Variants in RNF212 observed in about 807,000 individuals in gnomAD.
RNF212 encodes the protein ring finger protein 212.
In RNF212, 33 loss-of-function variants were observed where a neutral mutation model predicts 34.7. The ratio of observed to expected loss-of-function variants is 0.95; its 90% CI spans 0.72 to 1.27. RNF212 has a LOEUF of 1.27. Among genes scored for constraint, RNF212 ranks in the 50% most tolerant of loss-of-function variants. RNF212 has a pLI of 0.00. For synonymous variants in RNF212, 140 were observed against 136.1 expected (o/e 1.03, Z -0.20); for missense variants, 377 against 362.2 (o/e 1.04, Z -0.33).
chr4:1,113,311 T>C, intron 1 of RNF212, 45 bp downstream of exon 1: 1 of 970,792 alleles, frequency 1.0e-6, no homozygotes, highest in South Asian at 1.6e-5. Flanking sequence ...CTGACCCCCT[T>C]GCCGCTCCCC....
In RNF212 at chr4:1,081,725, T is replaced by C. The variant is rs1720383909; in HGVS notation, c.363-106A>G. Reference sequence around the variant, plus strand: ...AGGCTCTGAATCAGTGAAATGTTCTTACTGGGTTTGCAAACGGCATTTCAC... The same window carrying C: ...AGGCTCTGAATCAGTGAAATGTTCTCACTGGGTTTGCAAACGGCATTTCAC... On this transcript the variant is annotated intron_variant, in intron 5 of 9. Coordinates refer to ENST00000433731, the MANE Select transcript of RNF212 (RefSeq NM_001131034.4). 3.6e-5 allele frequency: 29 copies of C among 813,846 alleles called. No individual in the cohort carries two copies. In the South Asian group the frequency reaches 4.0e-4, roughly 11 times the overall value. The allele number at this position is 813,846 out of a possible 1,614,324, so 50.4% of individuals were successfully genotyped here.
chr4:1,108,491 G>C (rs1725163782), intron 1 of RNF212, 87 bp from the exon 2 acceptor site: 3 of 628,742 alleles, frequency 4.8e-6, no homozygotes, highest in Admixed American at 7.2e-5. Flanking sequence ...GTTTCTCCAA[G>C]AAATAGGCAG....
rs780643771 is a variant in RNF212 at position 1,079,679 on chromosome 4, C to T, written c.474G>A (p.Ser158=). 1.2e-5 allele frequency: 20 copies of T among 1,610,948 alleles called. No individual in the cohort carries two copies. The highest frequency in any genetic ancestry group is 5.0e-5 in the Admixed American group (3 of 60,004). ...PHSSAPDRLE[S]MEVDLSPSPI... Reference sequence around the variant, plus strand: ...GAGAAGGAGAGAGATCAACTTCCATCGACTCCAGTCTGTTAAACACATAGT... The same window carrying T: ...GAGAAGGAGAGAGATCAACTTCCATTGACTCCAGTCTGTTAAACACATAGT... The change falls in exon 8 of 10, where the codon TCG becomes TCA. Residue 158 remains serine (S), a synonymous_variant. Coordinates refer to ENST00000433731, the MANE Select transcript of RNF212 (RefSeq NM_001131034.4).
chr4:1,093,524 C>A lies in RNF212; in HGVS notation c.247-2686G>T. The A allele has an allele frequency of 3.9e-6, 6 of 1,520,698 alleles. No homozygotes were observed. In the South Asian group the frequency reaches 6.1e-5, roughly 16 times the overall value. The allele number at this position is 1,520,698 out of a possible 1,614,324, so 94.2% of individuals were successfully genotyped here. A position where few individuals can be genotyped will look rare whatever the true frequency, so the allele number is the denominator to read the frequency against. Reference sequence around the variant, plus strand: ...GACAAACAGTGGGGCCACGAGGTCACTGGGCAGAGCCTGTGACCTCCACGG... The same window carrying A: ...GACAAACAGTGGGGCCACGAGGTCAATGGGCAGAGCCTGTGACCTCCACGG... On this transcript the variant is annotated intron_variant, in intron 3 of 9. Transcript: ENST00000433731.
At chr4:1,068,011 G>C (rs986763476), downstream of RNF212, among the ~76,000 whole-genome samples, 9 of 152,102 alleles carry the variant, frequency 5.9e-5, no homozygotes, top group Non-Finnish European at 1.3e-4. Context: ...TAAGCACTGA[G>C]ACAGTTAAAA....
At chr4:1,065,732 G>GCAATTTTTTAAATATATAGTAGCCA (rs1553798696) in intron 3 of RNF212, among the ~76,000 whole-genome samples, 1 of 151,926 alleles carries the variant, frequency 6.6e-6, no homozygotes, top group Non-Finnish European at 1.5e-5. Context: ...GACTACAGGT[G>GCAATTTTTTAAATATATAGTAGCCA]TGTGCCACCA....
intron 8 of RNF212, among the ~76,000 whole-genome samples, chr4:1,076,235 C>A (rs1281476495): frequency 6.6e-6 from 1 of 152,174 alleles, no homozygotes; most frequent in Non-Finnish European, 1.5e-5. Flanking sequence ...TTCTCCTCCT[C>A]CCCAGTGCCA....
Position 1,081,635 on chromosome 4 carries a change from A to C in RNF212, c.363-16T>G. The C allele has an allele frequency of 6.3e-7, 1 of 1,578,992 alleles. No homozygotes were observed. Among genetic ancestry groups the C allele is most frequent in the Non-Finnish European group, 8.7e-7 (1 of 1,148,464 alleles). ...TGATCTCATACTAAATAGATGGAGAAAAGGTATTGAATTAAATCATAAAAA... is the reference window on the plus strand; with the variant it reads ...TGATCTCATACTAAATAGATGGAGACAAGGTATTGAATTAAATCATAAAAA... On this transcript the variant is annotated splice_polypyrimidine_tract_variant and intron_variant, in intron 5 of 9. Coordinates refer to ENST00000433731, the MANE Select transcript of RNF212 (RefSeq NM_001131034.4).
At chr4:1,099,754 T>G (rs886646657) in intron 2 of RNF212, 4 of 456,166 alleles carry the variant, frequency 8.8e-6, no homozygotes, top group Non-Finnish European at 1.3e-5. Context: ...GACGTCATCA[T>G]GGCAGAGGGC....
chr4:1,056,739 A>G (rs1577592608), intron 4 of RNF212: 1 of 648,056 alleles, frequency 1.5e-6, no homozygotes, highest in Non-Finnish European at 1.9e-6. Flanking sequence ...GAACGTTTAG[A>G]GCTCCATGGC....
In RNF212 at chr4:1,073,647, C is replaced by T. The variant is rs768971813; in HGVS notation, c.526G>A (p.Gly176Ser). 1.5e-5 allele frequency: 24 copies of T among 1,611,664 alleles called. 1 individual carries two copies. The East Asian group carries it at 2.5e-4, about 16-fold the overall frequency. The change falls in exon 9 of 10, where the codon GGC (glycine) becomes AGC (serine). Residue 176 changes from glycine (G) to serine (S), a missense_variant. Transcript: ENST00000433731. The part of the protein sequence containing the change: ...SPIRKSEIAA[G>S]PARISMISPP... ...CTAATCATGGAGATTCTCGCAGGGC[C>T]GGCTGCTATCTCAGACTAAGAATGC...
intron 2 of RNF212, among the ~76,000 whole-genome samples, chr4:1,101,973 A>T (rs1274626394): frequency 1.3e-5 from 2 of 152,236 alleles, no homozygotes; most frequent in African/African-American, 4.8e-5. Flanking sequence ...ATATACTTCT[A>T]GGTAACACAT....
At chr4:1,058,139 G>A (rs376252054) in intron 4 of RNF212, among the ~76,000 whole-genome samples, 1 of 152,062 alleles carries the variant, frequency 6.6e-6, no homozygotes, top group Non-Finnish European at 1.5e-5. Context: ...GGGATGAAAA[G>A]CAACATATTA....
At chr4:1,082,658 G>A (rs554821313) in intron 5 of RNF212, among the ~76,000 whole-genome samples, 23 of 152,302 alleles carry the variant, frequency 1.5e-4, no homozygotes, top group Non-Finnish European at 3.1e-4. Flanking sequence ...CCTGTGTCCC[G>A]GCCCGACATA....
downstream of RNF212, among the ~76,000 whole-genome samples, chr4:1,069,681 T>C (rs1718318910): frequency 6.6e-6 from 1 of 152,196 alleles, no homozygotes; most frequent in African/African-American, 2.4e-5. Flanking sequence ...AGCAGAGCAG[T>C]AGCATTTCTG....
intron 3 of RNF212, among the ~76,000 whole-genome samples, chr4:1,092,806 G>A (rs1400611727): frequency 6.6e-6 from 1 of 152,244 alleles, no homozygotes; most frequent in African/African-American, 2.4e-5. Flanking sequence ...AGGCCGCGAA[G>A]GCCTGAGAGT....
chr4:1,072,429 A>C lies in RNF212; in HGVS notation c.*445T>G, dbSNP rs1469616370. 6.0e-6 allele frequency: 1 copy of C among 167,152 alleles called. No individual in the cohort carries two copies. The highest frequency in any genetic ancestry group is 1.3e-5 in the Non-Finnish European group (1 of 77,868). The allele number at this position is 167,152 out of a possible 1,614,324, so 10.4% of individuals were successfully genotyped here. A position where few individuals can be genotyped will look rare whatever the true frequency, so the allele number is the denominator to read the frequency against. On this transcript the variant is annotated 3_prime_UTR_variant, in exon 10 of 10. Coordinates refer to ENST00000433731, the MANE Select transcript of RNF212 (RefSeq NM_001131034.4). ...TTGGGTGATAATGATGTATTCAAGT[A>C]GGATCATCAGTTTTAACACATGGAC...
chr4:1,106,124 G>T (rs1298769674), intron 2 of RNF212, among the ~76,000 whole-genome samples: 1 of 152,168 alleles, frequency 6.6e-6, no homozygotes, highest in Non-Finnish European at 1.5e-5. Context: ...CCTATAGGGG[G>T]GTGAAGCAAC....
At chr4:1,097,108 C>G (rs1723185775) in intron 2 of RNF212, among the ~76,000 whole-genome samples, 1 of 152,062 alleles carries the variant, frequency 6.6e-6, no homozygotes, top group African/African-American at 2.4e-5. Context: ...GCTCCCTCCT[C>G]AAAAGGGTCT....
Sources: allele counts gnomAD v4.1 joint callset (sites outside exome capture counted in the v4.1 genomes callset), GRCh38; gene constraint gnomAD v4.1.1; transcripts MANE v1.5; gene names NCBI Gene and HGNC (gene_info 2026-07-23, HGNC 2026-07-21).